TLN2: variants seen among roughly 807,000 people sequenced by gnomAD.
TLN2 encodes talin-2.
TLN2 carries 118 observed loss-of-function variants against 294.7 expected under a neutral mutation model. The observed-to-expected ratio is 0.40, with a 90% CI of 0.34 to 0.47. TLN2 has a LOEUF of 0.47. Among genes scored for constraint, TLN2 ranks in the 20% least tolerant of loss-of-function variants. The probability of loss-of-function intolerance (pLI) is 0.84; values close to 1 mark genes in which losing one functional copy is unlikely to be tolerated. For missense variants in TLN2, 3,083 were observed against 3,282.2 expected (o/e 0.94, Z 1.48); for synonymous variants, 1,431 against 1,304.5 (o/e 1.10, Z -2.09).
At chr15:62,533,020 G>A (rs1407856624) in intron 1 of TLN2, among the ~76,000 whole-genome samples, 3 of 152,002 alleles carry the variant, frequency 2.0e-5, no homozygotes, top group African/African-American at 7.3e-5. Context: ...TTGGGAGGCC[G>A]AGGCAGGCGC....
intron 1 of TLN2, among the ~76,000 whole-genome samples, chr15:62,588,932 G>C (rs1050320401): frequency 6.6e-6 from 1 of 151,506 alleles, no homozygotes; most frequent in African/African-American, 2.4e-5. Context: ...TCTTCCATAA[G>C]TAGGGAGAGA....
chr15:62,596,263 T>TAAAAAAAA (rs2046502446), intron 2 of TLN2, among the ~76,000 whole-genome samples: 1 of 50,106 alleles, frequency 2.0e-5, no homozygotes, highest in East Asian at 1.4e-3. Context: ...AGACTCCATC[T>TAAAAAAAA]CAAAAAAAAA....
chr15:62,567,388 C>G (rs952733157), intron 1 of TLN2, among the ~76,000 whole-genome samples: 8 of 152,216 alleles, frequency 5.3e-5, no homozygotes, highest in African/African-American at 1.9e-4. Context: ...CAGAGTCCTT[C>G]CCTAAAAGAT....
rs140825350 is a variant in TLN2, at chr15:62,574,896, C to T, written c.-237-14791C>T. Among the ~76,000 whole-genome samples the T allele has an allele frequency of 4.6e-5, 7 of 152,262 alleles. No individual in the cohort carries two copies. The East Asian group carries it at 1.3e-3, about 29-fold the overall frequency. ...TGTCTAAAAATACAGAGTCTCAGCTCACTTTCTCTGTTTATCTTGCCACTC... is the reference window on the plus strand; with the variant it reads ...TGTCTAAAAATACAGAGTCTCAGCTTACTTTCTCTGTTTATCTTGCCACTC... On this transcript the variant is annotated intron_variant, in intron 1 of 58. Transcript: ENST00000636159.
At chr15:62,814,203 A>G (rs2066903593) in intron 52 of TLN2, among the ~76,000 whole-genome samples, 1 of 152,234 alleles carries the variant, frequency 6.6e-6, no homozygotes, top group Non-Finnish European at 1.5e-5. Flanking sequence ...AGGCAGGAAA[A>G]AAACTGGAGA....
At chr15:62,447,240 T>C (rs2035868181) in intron 1 of TLN2, among the ~76,000 whole-genome samples, 2 of 152,136 alleles carry the variant, frequency 1.3e-5, no homozygotes, top group Non-Finnish European at 2.9e-5. Flanking sequence ...CTGGTATTAG[T>C]GCTAAGTGTG....
intron 1 of TLN2, among the ~76,000 whole-genome samples, chr15:62,471,511 C>T (rs1038035787): frequency 1.3e-5 from 2 of 152,230 alleles, no homozygotes; most frequent in Admixed American, 6.5e-5. Context: ...CCTGTATGTG[C>T]CTTTCCTGCA....
chr15:62,542,251 G>T (rs2041734178), intron 1 of TLN2, among the ~76,000 whole-genome samples: 1 of 152,036 alleles, frequency 6.6e-6, no homozygotes, highest in Non-Finnish European at 1.5e-5. Flanking sequence ...GAGTGCAGTG[G>T]CAGGATCTCG....
chr15:62,806,032 AT>A (rs2066256812), intron 51 of TLN2, among the ~76,000 whole-genome samples: 1 of 151,952 alleles, frequency 6.6e-6, no homozygotes, highest in Admixed American at 6.6e-5. Context: ...CTTAAAAAAA[AT>A]TTTTTTTAAG....
At chr15:62,834,916 G>A (rs991461223) in intron 55 of TLN2, 1 of 152,198 alleles carries the variant, frequency 6.6e-6, no homozygotes, top group Admixed American at 6.5e-5. Flanking sequence ...ACGAACTTAC[G>A]TGTTCAAGCA....
At chr15:62,545,500 C>T (rs1282199578) in intron 1 of TLN2, among the ~76,000 whole-genome samples, 1 of 144,386 alleles carries the variant, frequency 6.9e-6, no homozygotes, top group Non-Finnish European at 1.5e-5. Flanking sequence ...GAATCCAACT[C>T]TCTTTCTTTC....
intron 1 of TLN2, among the ~76,000 whole-genome samples, chr15:62,499,994 G>T (rs2039224510): frequency 6.6e-6 from 1 of 152,118 alleles, no homozygotes; most frequent in African/African-American, 2.4e-5. Flanking sequence ...GAGGGAGGAG[G>T]AGTGAAGGTC....
intron 48 of TLN2, 106 bp downstream of exon 48, chr15:62,797,508 A>C (rs7359226): frequency 1.5e-6 from 2 of 1,302,628 alleles, no homozygotes; most frequent in Non-Finnish European, 2.0e-6. Context: ...GAAGTAGACA[A>C]TGTGTGTGTG....
chr15:62,720,958 A>G (rs2060110166), intron 25 of TLN2, among the ~76,000 whole-genome samples: 1 of 152,170 alleles, frequency 6.6e-6, no homozygotes, highest in Admixed American at 6.5e-5. Context: ...GACTTGGACA[A>G]GGCATTTCTC....
intron 1 of TLN2, among the ~76,000 whole-genome samples, chr15:62,418,382 A>T (rs1390076633): frequency 6.6e-6 from 1 of 152,224 alleles, no homozygotes; most frequent in African/African-American, 2.4e-5. Flanking sequence ...TCTGATAATT[A>T]AGAAAGGAAA....
rs906212133 is a variant in TLN2 at position 62,719,856 on chromosome 15, C to A, written c.2967C>A (p.Ile989=). 1.2e-6 allele frequency: 2 copies of A among 1,611,098 alleles called. No individual in the cohort carries two copies. Among genetic ancestry groups the A allele is most frequent in the Non-Finnish European group, 1.7e-6 (2 of 1,178,598 alleles). Residue 989 remains isoleucine, a synonymous_variant, in exon 25 of 59, where the codon ATC becomes ATA. Coordinates refer to ENST00000636159, the MANE Select transcript of TLN2 (RefSeq NM_015059.3). ...ACCTGAGTGCCCAGCTGGCTCTCAT[C>A]ATCTCCAGCCAGAACTTCCTCCAGG... ...AEDLSAQLAL[I]ISSQNFLQPG...
At chr15:62,690,289 C>G (rs1454699512) in intron 12 of TLN2, 2 of 161,870 alleles carry the variant, frequency 1.2e-5, no homozygotes, top group Non-Finnish European at 2.6e-5. Flanking sequence ...CCTCACTTCT[C>G]AGACGGGGCG....
At chr15:62,732,021 G>A (rs577028768) in intron 28 of TLN2, among the ~76,000 whole-genome samples, 1 of 152,298 alleles carries the variant, frequency 6.6e-6, no homozygotes, top group South Asian at 2.1e-4. Flanking sequence ...CAATGGGAAG[G>A]TAGGGGAAAT....
chr15:62,569,610 A>C (rs987511731), intron 1 of TLN2, among the ~76,000 whole-genome samples: 2 of 152,202 alleles, frequency 1.3e-5, no homozygotes, highest in Non-Finnish European at 2.9e-5. Flanking sequence ...GGAGTCGGAT[A>C]TCTCTCTTTG....
Sources: gnomAD v4.1 joint callset for allele counts (sites outside exome capture counted in the v4.1 genomes callset) on GRCh38, gnomAD v4.1.1 for gene constraint, MANE v1.5 for transcripts, NCBI Gene and HGNC (gene_info 2026-07-23, HGNC 2026-07-21) for gene names.